FAAH2: variants seen among roughly 807,000 people sequenced by gnomAD.
FAAH2 encodes the protein fatty acid amide hydrolase 2.
FAAH2 carries 60 observed loss-of-function variants against 36.9 expected under a neutral mutation model. That is an observed-to-expected ratio of 1.63 (90% CI 1.32 to 2.02). The LOEUF (loss-of-function observed/expected upper bound fraction) is 2.02, where lower values mean the gene tolerates loss of function less well. Ranked by LOEUF, FAAH2 falls within the 30% of genes most tolerant of loss-of-function variation. FAAH2 has a pLI of 0.00. For missense variants in FAAH2, 689 were observed against 397.5 expected (o/e 1.73, Z -6.23); for synonymous variants, 214 against 143.8 (o/e 1.49, Z -3.49).
At chrX:57,360,051 A>G (rs1569290129) in intron 5 of FAAH2, among the ~76,000 whole-genome samples, 1 of 106,287 alleles carries the variant, frequency 9.4e-6, no homozygotes, top group Non-Finnish European at 1.9e-5. Context: ...AAATATGGTG[A>G]TAGTCTTATG....
chrX:57,170,042 C>G, the FAAH2 span, among the ~76,000 whole-genome samples: 1 of 111,629 alleles, frequency 9.0e-6, no homozygotes, highest in Admixed American at 9.5e-5. Context: ...ACAATCACGG[C>G]ACACTGCAGC....
the FAAH2 span, among the ~76,000 whole-genome samples, chrX:57,242,600 C>T: frequency 9.0e-6 from 1 of 111,384 alleles, no homozygotes; most frequent in African/African-American, 3.3e-5. Context: ...GGATGCAGCC[C>T]ATGGAGGGTG....
intron 5 of FAAH2, among the ~76,000 whole-genome samples, chrX:57,349,833 G>T (rs1412740024): frequency 1.8e-5 from 2 of 110,325 alleles, no homozygotes; most frequent in African/African-American, 6.6e-5. Context: ...CTTAGAAAAT[G>T]TAATTTAATG....
chrX:57,169,094 C>A, the FAAH2 span, among the ~76,000 whole-genome samples: 1 of 111,056 alleles, frequency 9.0e-6, no homozygotes, highest in Non-Finnish European at 1.9e-5. Context: ...GGCTTTGCTT[C>A]TGTGCATCTG....
At chrX:57,474,308 G>A (rs2057224583) in intron 10 of FAAH2, among the ~76,000 whole-genome samples, 1 of 110,791 alleles carries the variant, frequency 9.0e-6, no homozygotes, top group Non-Finnish European at 1.9e-5. Context: ...CATCATTTAG[G>A]CTTTAAGCCC....
the FAAH2 span, among the ~76,000 whole-genome samples, chrX:57,234,230 T>C: frequency 9.0e-6 from 1 of 111,692 alleles, no homozygotes; most frequent in African/African-American, 3.3e-5. Flanking sequence ...TTCTTCAAAC[T>C]TCACTTTATA....
At chrX:57,225,333 G>A in the FAAH2 span, among the ~76,000 whole-genome samples, 1 of 110,634 alleles carries the variant, frequency 9.0e-6, no homozygotes, top group African/African-American at 3.3e-5. Context: ...TTTTTGATAG[G>A]TTGTGTCATT....
intron 2 of FAAH2, among the ~76,000 whole-genome samples, chrX:57,301,984 T>C (rs1222650014): frequency 8.9e-6 from 1 of 112,422 alleles, no homozygotes; most frequent in Non-Finnish European, 1.9e-5. Flanking sequence ...TGGATTATGA[T>C]TTATTGTTCA....
intron 5 of FAAH2, among the ~76,000 whole-genome samples, chrX:57,370,293 G>T (rs755196192): frequency 1.8e-5 from 2 of 111,389 alleles, no homozygotes; most frequent in South Asian, 7.5e-4. Context: ...ACCCAGATAA[G>T]AAAAACATAA....
At chrX:57,197,857 G>A in the FAAH2 span, among the ~76,000 whole-genome samples, 2 of 112,298 alleles carry the variant, frequency 1.8e-5, no homozygotes, top group East Asian at 5.6e-4. Flanking sequence ...GATGCTGGTT[G>A]TGCTAGCAGT....
chrX:57,175,243 C>G, the FAAH2 span, among the ~76,000 whole-genome samples: 1 of 111,242 alleles, frequency 9.0e-6, no homozygotes, highest in Non-Finnish European at 1.9e-5. Flanking sequence ...GTTTTATGAA[C>G]CTAGGAGCTC....
At chrX:57,248,624 A>T in the FAAH2 span, among the ~76,000 whole-genome samples, 1 of 107,944 alleles carries the variant, frequency 9.3e-6, no homozygotes, top group African/African-American at 3.4e-5. Context: ...TTGGTGGTGC[A>T]TGCCTGTAAT....
chrX:57,378,029 G>A (rs1395770279), intron 5 of FAAH2, among the ~76,000 whole-genome samples: 1 of 111,864 alleles, frequency 8.9e-6, no homozygotes, highest in African/African-American at 3.2e-5. Flanking sequence ...GGTTAAGAAA[G>A]TTTTGGGCTG....
At chrX:57,202,928 C>A in the FAAH2 span, among the ~76,000 whole-genome samples, 1 of 111,974 alleles carries the variant, frequency 8.9e-6, no homozygotes, top group Non-Finnish European at 1.9e-5. Context: ...CCACCAGAGC[C>A]CTGCTAGGAA....
the FAAH2 span, among the ~76,000 whole-genome samples, chrX:57,259,918 T>A: frequency 8.9e-6 from 1 of 111,892 alleles, no homozygotes; most frequent in Admixed American, 9.5e-5. Flanking sequence ...TGGTAAAAAA[T>A]TTATTTTTAC....
At chrX:57,382,076 C>G (rs1280535703) in intron 7 of FAAH2, among the ~76,000 whole-genome samples, 1 of 111,655 alleles carries the variant, frequency 9.0e-6, no homozygotes, top group Non-Finnish European at 1.9e-5. Context: ...TGAATCACTA[C>G]TGGGTACATA....
intron 7 of FAAH2, among the ~76,000 whole-genome samples, chrX:57,401,383 G>A (rs1001945054): frequency 1.1e-4 from 12 of 111,164 alleles, no homozygotes; most frequent in Admixed American, 1.1e-3. Context: ...TGAGAGTCAG[G>A]ATGTACAGGG....
chrX:57,122,780 A>G, the FAAH2 span, among the ~76,000 whole-genome samples: 29 of 111,931 alleles, frequency 2.6e-4, no homozygotes, highest in South Asian at 7.8e-3. Flanking sequence ...TAACAGAACA[A>G]CTACACTTAA....
At chrX:57,473,262 C>G (rs1439205143) in intron 10 of FAAH2, among the ~76,000 whole-genome samples, 1 of 110,483 alleles carries the variant, frequency 9.1e-6, no homozygotes, top group Non-Finnish European at 1.9e-5. Flanking sequence ...TTTTAAATTT[C>G]TGCCTTAATT....
Sources: allele counts gnomAD v4.1 joint callset (sites outside exome capture counted in the v4.1 genomes callset), GRCh38; gene constraint gnomAD v4.1.1; transcripts MANE v1.5; gene names NCBI Gene and HGNC (gene_info 2026-07-23, HGNC 2026-07-21).